Variants in DMRT1 observed in about 807,000 individuals in gnomAD.
DMRT1 encodes the protein doublesex- and mab-3-related transcription factor 1.
A neutral mutation model predicts 32.3 loss-of-function variants in DMRT1; 7 were observed. The ratio of observed to expected loss-of-function variants is 0.22; its 90% CI spans 0.12 to 0.41. The LOEUF (loss-of-function observed/expected upper bound fraction) is 0.41, where lower values mean the gene tolerates loss of function less well. DMRT1 is among the 10% of genes least tolerant of loss of function. The pLI, the probability that DMRT1 is intolerant of heterozygous loss-of-function variation, is 1.00. For missense variants in DMRT1, 625 were observed against 500.5 expected, an observed-to-expected ratio of 1.25 and a Z score of -2.37; for synonymous variants, 278 against 206.1, an observed-to-expected ratio of 1.35 and a Z score of -2.99.
At chr9:920,374 G>A (rs1564251779) in intron 4 of DMRT1, among the ~76,000 whole-genome samples, 1 of 152,204 alleles carries the variant, frequency 6.6e-6, no homozygotes, top group Non-Finnish European at 1.5e-5. Context: ...CTGTGTGTGA[G>A]CGGTGCCTTA....
At position 956,309 on chromosome 9, in the gene DMRT1, T is replaced by G. The variant is rs565885952; in HGVS notation, c.968-11676T>G. ...CAGTTGTTGTTTAATGGGTACAGAA[T>G]TTCAGTTTGGGAAGATGAAGAAGTT... On this transcript the variant is annotated intron_variant, in intron 4 of 4. Transcript: ENST00000382276. 3.5e-3 allele frequency among the ~76,000 whole-genome samples: 540 copies of G among 152,292 alleles called. 6 individuals are homozygous for G. Among genetic ancestry groups the G allele is most frequent in the African/African-American group, 0.012 (519 of 41,578 alleles).
intron 4 of DMRT1, among the ~76,000 whole-genome samples, chr9:952,781 G>A (rs990842165): frequency 1.3e-5 from 2 of 152,224 alleles, no homozygotes; most frequent in African/African-American, 2.4e-5. Flanking sequence ...TGGGATCAGG[G>A]AGGAGTGTGT....
chr9:898,681 G>C (rs1250081750), intron 3 of DMRT1, among the ~76,000 whole-genome samples: 1 of 152,182 alleles, frequency 6.6e-6, no homozygotes, highest in Non-Finnish European at 1.5e-5. Context: ...GATTTTCTTG[G>C]TGTGAAAATG....
intron 4 of DMRT1, among the ~76,000 whole-genome samples, chr9:946,414 GC>G (rs1040197267): frequency 3.2e-4 from 49 of 152,064 alleles, no homozygotes; most frequent in Non-Finnish European, 1.9e-4. Flanking sequence ...TAAGGGAGGT[GC>G]CCCATCCAGC....
intron 2 of DMRT1, among the ~76,000 whole-genome samples, chr9:874,322 G>A (rs149248391): frequency 2.2e-4 from 33 of 152,236 alleles, no homozygotes; most frequent in African/African-American, 6.7e-4. Context: ...AAATCATAGC[G>A]CCTTCATCTA....
chr9:957,031 G>A (rs1233382240), intron 4 of DMRT1, among the ~76,000 whole-genome samples: 2 of 152,210 alleles, frequency 1.3e-5, no homozygotes, highest in African/African-American at 2.4e-5. Flanking sequence ...GAGGCTTGGG[G>A]TATGAATGAT....
In DMRT1 at chr9:967,978, T is replaced by C. The variant is rs769723025; in HGVS notation, c.968-7T>C. The C allele has an allele frequency of 6.2e-7, 1 of 1,606,928 alleles. No individual in the cohort carries two copies. The highest frequency in any genetic ancestry group is 8.5e-7 in the Non-Finnish European group (1 of 1,178,088). On this transcript the variant is annotated splice_region_variant and splice_polypyrimidine_tract_variant and intron_variant, in intron 4 of 4. Coordinates refer to ENST00000382276, the MANE Select transcript of DMRT1 (RefSeq NM_021951.3). ...TTTCTCTCTTTCTCTCTCACCTCAC[T>C]TCGCAGTATTCTCGCCGCCCAGCAG...
intron 4 of DMRT1, among the ~76,000 whole-genome samples, chr9:936,355 C>T (rs980946970): frequency 2.6e-5 from 4 of 152,066 alleles, no homozygotes; most frequent in African/African-American, 9.7e-5. Context: ...ATATTTAATA[C>T]TAGATGAAAG....
At chr9:941,704 A>G (rs993289387) in intron 4 of DMRT1, among the ~76,000 whole-genome samples, 2 of 152,214 alleles carry the variant, frequency 1.3e-5, no homozygotes, top group Admixed American at 6.5e-5. Context: ...TTATGTTTAC[A>G]TGTATTTCAC....
intron 2 of DMRT1, among the ~76,000 whole-genome samples, chr9:864,436 G>C (rs1815870468): frequency 6.7e-6 from 1 of 150,164 alleles, no homozygotes; most frequent in Admixed American, 6.7e-5. Context: ...CAGGTGATCT[G>C]CCCGCCTTGT....
chr9:878,591 G>A (rs1047327210), intron 2 of DMRT1, among the ~76,000 whole-genome samples: 9 of 152,184 alleles, frequency 5.9e-5, no homozygotes, highest in African/African-American at 2.2e-4. Context: ...AAGATTCCAA[G>A]TTCAGCTGAG....
rs139691357 is a variant in DMRT1, at chr9:923,949, G to A, written c.967+7042G>A. Among the ~76,000 whole-genome samples, 19 of 152,280 alleles carry A rather than the reference G, an allele frequency of 1.2e-4. No individual in the cohort carries two copies. The East Asian group carries it at 3.7e-3, about 29-fold the overall frequency. Reference sequence around the variant, plus strand: ...GTTCTCAGCTTTAACTTGGAACAGAGAAGTAAGTGGGGCTTTCAGTGGCAA... The same window carrying A: ...GTTCTCAGCTTTAACTTGGAACAGAAAAGTAAGTGGGGCTTTCAGTGGCAA... On this transcript the variant is annotated intron_variant, in intron 4 of 4. Coordinates refer to ENST00000382276, the MANE Select transcript of DMRT1 (RefSeq NM_021951.3).
chr9:926,585 A>T (rs1422680711), intron 4 of DMRT1, among the ~76,000 whole-genome samples: 1 of 152,154 alleles, frequency 6.6e-6, no homozygotes, highest in Non-Finnish European at 1.5e-5. Flanking sequence ...GATTGCTTTT[A>T]CGACTTTAAT....
chr9:931,444 A>G (rs868447606), intron 4 of DMRT1, among the ~76,000 whole-genome samples: 1 of 152,122 alleles, frequency 6.6e-6, no homozygotes, highest in African/African-American at 2.4e-5. Flanking sequence ...AGGCTGTGTT[A>G]TTTTCCCGTT....
chr9:853,296 A>T (rs1815241808), intron 2 of DMRT1, among the ~76,000 whole-genome samples: 1 of 152,044 alleles, frequency 6.6e-6, no homozygotes, highest in South Asian at 2.1e-4. Context: ...GCTCTTGTTG[A>T]TGTACTTTTT....
At chr9:917,994 C>G (rs1818237114) in intron 4 of DMRT1, among the ~76,000 whole-genome samples, 1 of 152,198 alleles carries the variant, frequency 6.6e-6, no homozygotes, top group Non-Finnish European at 1.5e-5. Flanking sequence ...AGTATTCATA[C>G]TATATAATGT....
At chr9:902,347 T>C (rs1199979148) in intron 3 of DMRT1, among the ~76,000 whole-genome samples, 1 of 150,172 alleles carries the variant, frequency 6.7e-6, no homozygotes, top group Non-Finnish European at 1.5e-5. Flanking sequence ...TCCACCTTTC[T>C]TTTTTAAGAC....
chr9:924,274 G>A, intron 4 of DMRT1, among the ~76,000 whole-genome samples: 1 of 152,006 alleles, frequency 6.6e-6, no homozygotes, highest in East Asian at 1.9e-4. Context: ...GTTTCTACAT[G>A]TCAGCCAGGC....
intron 4 of DMRT1, among the ~76,000 whole-genome samples, chr9:932,164 A>G (rs1325844464): frequency 6.6e-6 from 1 of 152,184 alleles, no homozygotes; most frequent in Non-Finnish European, 1.5e-5. Flanking sequence ...TTAACTCCCT[A>G]GAATTTCATT....
Sources: gnomAD v4.1 joint callset for allele counts (sites outside exome capture counted in the v4.1 genomes callset) on GRCh38, gnomAD v4.1.1 for gene constraint, MANE v1.5 for transcripts, NCBI Gene and HGNC (gene_info 2026-07-23, HGNC 2026-07-21) for gene names.